The following RALYL variants were observed in gnomAD, a reference collection of about 807,000 sequenced individuals.
RALYL encodes the protein RNA-binding Raly-like protein.
A neutral mutation model predicts 35.1 loss-of-function variants in RALYL; 29 were observed. That is an observed-to-expected ratio of 0.83 (90% CI 0.61 to 1.13). The LOEUF is 1.13. RALYL is among the 50% of genes most tolerant of loss of function. The probability of loss-of-function intolerance (pLI) is 0.00; values close to 1 mark genes in which losing one functional copy is unlikely to be tolerated. For synonymous variants in RALYL, 120 were observed against 127.6 expected (o/e 0.94, Z 0.40); for missense variants, 359 against 360.4 (o/e 1.00, Z 0.03).
intron 1 of RALYL, among the ~76,000 whole-genome samples, chr8:84,462,554 CT>C (rs1198923571): frequency 6.8e-6 from 1 of 146,696 alleles, no homozygotes; most frequent in African/African-American, 2.5e-5. Context: ...TCTATAATCA[CT>C]TTTGAGTTAC....
At chr8:84,203,246 G>C (rs896029225) in intron 1 of RALYL, among the ~76,000 whole-genome samples, 1 of 151,740 alleles carries the variant, frequency 6.6e-6, no homozygotes, top group East Asian at 1.9e-4. Context: ...TTGTTGAAAA[G>C]AACCATTTGG....
chr8:84,206,241 TTTCAAGTAGTTTACCA>T (rs1480710587), intron 1 of RALYL, among the ~76,000 whole-genome samples: 2 of 152,124 alleles, frequency 1.3e-5, no homozygotes, highest in African/African-American at 2.4e-5. Flanking sequence ...CAGTTCTGGT[TTTCAAGTAGTTTACCA>T]TTCTATGTGG....
intron 8 of RALYL, among the ~76,000 whole-genome samples, chr8:84,893,577 C>A (rs1204508689): frequency 6.6e-6 from 1 of 152,154 alleles, no homozygotes; most frequent in Admixed American, 6.6e-5. Flanking sequence ...CATTATAAAG[C>A]TTTCAGATGT....
chr8:84,830,399 G>A (rs1239888178), intron 4 of RALYL, among the ~76,000 whole-genome samples: 1 of 151,988 alleles, frequency 6.6e-6, no homozygotes, highest in Non-Finnish European at 1.5e-5. Flanking sequence ...ATGGGGGGTG[G>A]GGGTCTAACA....
chr8:84,489,094 T>C (rs1197864928), intron 1 of RALYL, among the ~76,000 whole-genome samples: 1 of 152,084 alleles, frequency 6.6e-6, no homozygotes, highest in Non-Finnish European at 1.5e-5. Flanking sequence ...GCTCAAGGTC[T>C]CTATCTTCAA....
At chr8:84,392,107 A>G (rs752082855) in intron 1 of RALYL, among the ~76,000 whole-genome samples, 2 of 152,050 alleles carry the variant, frequency 1.3e-5, no homozygotes, top group Non-Finnish European at 2.9e-5. Flanking sequence ...TTTTAACTTT[A>G]CATATGAAAT....
intron 2 of RALYL, among the ~76,000 whole-genome samples, chr8:84,734,289 A>G (rs745729189): frequency 2.2e-4 from 33 of 152,152 alleles, no homozygotes; most frequent in Non-Finnish European, 3.8e-4. Flanking sequence ...AAAAATAAAT[A>G]TCTTTACTCA....
At chr8:84,529,814 C>A (rs1440628279) in intron 2 of RALYL, among the ~76,000 whole-genome samples, 2 of 152,048 alleles carry the variant, frequency 1.3e-5, no homozygotes, top group Non-Finnish European at 2.9e-5. Flanking sequence ...TTACCTCCAC[C>A]CATCCTAACA....
chr8:84,570,167 G>A (rs1289170979), intron 2 of RALYL, among the ~76,000 whole-genome samples: 1 of 151,720 alleles, frequency 6.6e-6, no homozygotes, highest in Admixed American at 6.6e-5. Flanking sequence ...ATCTGTAGGT[G>A]GCCTTGGGCA....
At chr8:84,627,532 C>T (rs755551202) in intron 2 of RALYL, among the ~76,000 whole-genome samples, 1 of 150,212 alleles carries the variant, frequency 6.7e-6, no homozygotes, top group Non-Finnish European at 1.5e-5. Context: ...TACAGCATTT[C>T]TTTCTTCCTG....
At chr8:84,454,046 G>C (rs969065915) in intron 1 of RALYL, among the ~76,000 whole-genome samples, 12 of 152,064 alleles carry the variant, frequency 7.9e-5, no homozygotes, top group African/African-American at 2.9e-4. Context: ...TGTACTTCCA[G>C]AATTCCAATG....
chr8:84,522,508 C>A (rs1338244365), intron 1 of RALYL, among the ~76,000 whole-genome samples: 1 of 152,032 alleles, frequency 6.6e-6, no homozygotes, highest in Non-Finnish European at 1.5e-5. Flanking sequence ...CTCGGCCTCC[C>A]AAAGTGCTGG....
At chr8:84,591,831 T>A (rs568722810) in intron 2 of RALYL, among the ~76,000 whole-genome samples, 1 of 152,260 alleles carries the variant, frequency 6.6e-6, no homozygotes, top group South Asian at 2.1e-4. Flanking sequence ...TGTGTCGAAG[T>A]GACTTTGAAA....
rs7826269 is a variant in RALYL, at chr8:84,239,573, G to A, written c.-24+55149G>A. 8.8e-3 allele frequency among the ~76,000 whole-genome samples: 1,340 copies of A among 152,170 alleles called. 23 individuals carry two copies. Among genetic ancestry groups the A allele is most frequent in the African/African-American group, 0.031 (1,295 of 41,530 alleles). ...TAGCTTACTCAAAATCACTCAGATA[G>A]TAGCTGCCAGGGTTTACATTAAGAC... is the stretch of plus-strand genomic sequence containing the variant. On this transcript the variant is annotated intron_variant, in intron 1 of 8. Transcript: ENST00000521268.
intron 1 of RALYL, among the ~76,000 whole-genome samples, chr8:84,505,323 A>G (rs1219975612): frequency 6.6e-6 from 1 of 152,226 alleles, no homozygotes; most frequent in East Asian, 1.9e-4. Flanking sequence ...CTTTATGTTT[A>G]TATGTGCTTC....
intron 2 of RALYL, among the ~76,000 whole-genome samples, chr8:84,626,775 A>C (rs1822820883): frequency 6.6e-6 from 1 of 152,192 alleles, no homozygotes; most frequent in Admixed American, 6.5e-5. Flanking sequence ...GTATATTGTC[A>C]AGCTGCATTC....
At chr8:84,467,118 A>T (rs577612009) in intron 1 of RALYL, among the ~76,000 whole-genome samples, 252 of 152,140 alleles carry the variant, frequency 1.7e-3, no homozygotes, top group African/African-American at 6.0e-3. Flanking sequence ...AATTTTTTGA[A>T]GGGTTTTTTG....
chr8:84,731,625 G>A (rs181010033), intron 2 of RALYL, among the ~76,000 whole-genome samples: 111 of 152,192 alleles, frequency 7.3e-4, no homozygotes, highest in African/African-American at 2.6e-3. Flanking sequence ...GGCTACTGCA[G>A]TTGCCTTCTA....
intron 2 of RALYL, among the ~76,000 whole-genome samples, chr8:84,673,861 G>T (rs1049104898): frequency 6.6e-6 from 1 of 152,100 alleles, no homozygotes; most frequent in Non-Finnish European, 1.5e-5. Flanking sequence ...GACAATTTAG[G>T]TTCCCTTTTA....
Sources: gnomAD v4.1 joint callset for allele counts (sites outside exome capture counted in the v4.1 genomes callset) on GRCh38, gnomAD v4.1.1 for gene constraint, MANE v1.5 for transcripts, NCBI Gene and HGNC (gene_info 2026-07-23, HGNC 2026-07-21) for gene names.